Variants in EYA1 observed in about 807,000 individuals in gnomAD.
EYA1 encodes EYA transcriptional coactivator and phosphatase 1.
EYA1 carries 16 observed loss-of-function variants against 82.0 expected under a neutral mutation model. That is an observed-to-expected ratio of 0.20 (90% CI 0.13 to 0.30). The LOEUF (loss-of-function observed/expected upper bound fraction) is 0.30. Among genes scored for constraint, EYA1 ranks in the 10% least tolerant of loss-of-function variants. The pLI is 1.00. For missense variants in EYA1, 633 were observed against 730.7 expected (o/e 0.87, Z 1.54); for synonymous variants, 261 against 264.4 (o/e 0.99, Z 0.12).
At chr8:71,256,463 G>C (rs916859013) in intron 11 of EYA1, among the ~76,000 whole-genome samples, 1 of 152,094 alleles carries the variant, frequency 6.6e-6, no homozygotes, top group Non-Finnish European at 1.5e-5. Context: ...AAAAAGTGAA[G>C]TACTATATGA....
At chr8:71,483,849 T>C (rs1810363260) in intron 2 of EYA1, among the ~76,000 whole-genome samples, 1 of 152,128 alleles carries the variant, frequency 6.6e-6, no homozygotes, top group Admixed American at 6.6e-5. Flanking sequence ...TGAGTTTGAC[T>C]AAATAAGAGT....
At chr8:71,333,131 T>C (rs909222635) in intron 4 of EYA1, among the ~76,000 whole-genome samples, 4 of 152,202 alleles carry the variant, frequency 2.6e-5, no homozygotes, top group Admixed American at 2.6e-4. Flanking sequence ...GAAGTCAGCA[T>C]GGCACCAACC....
Position 71,517,773 on chromosome 8 carries a change from A to G in EYA1, c.33+17971T>C, listed in dbSNP as rs546999135. 2.2e-3 allele frequency among the ~76,000 whole-genome samples: 330 copies of G among 149,744 alleles called. 10 individuals carry two copies. Among genetic ancestry groups the G allele is most frequent in the Non-Finnish European group, 1.5e-3 (102 of 67,452 alleles). On this transcript the variant is annotated intron_variant, in intron 2 of 18. Transcript: ENST00000643681. ...TGTATATTCTAAATAATTTGGAGAT[A>G]TATATATCAAAAATTAAATTATCAA...
chr8:71,422,835 C>T (rs889035696), intron 2 of EYA1, among the ~76,000 whole-genome samples: 1 of 152,262 alleles, frequency 6.6e-6, no homozygotes, highest in Non-Finnish European at 1.5e-5. Flanking sequence ...AAATTACCCC[C>T]CACGGGATCC....
At chr8:71,316,444 T>C (rs572438986) in intron 7 of EYA1, among the ~76,000 whole-genome samples, 13 of 152,220 alleles carry the variant, frequency 8.5e-5, no homozygotes, top group African/African-American at 3.1e-4. Flanking sequence ...AAGGATACCA[T>C]AGAACAGAAC....
chr8:71,520,973 A>G (rs975689796), intron 2 of EYA1, among the ~76,000 whole-genome samples: 3 of 152,162 alleles, frequency 2.0e-5, no homozygotes, highest in African/African-American at 7.2e-5. Context: ...TCAACAGGTA[A>G]TTAAATTTGA....
At chr8:71,316,303 G>C (rs916213002) in intron 7 of EYA1, among the ~76,000 whole-genome samples, 2 of 152,104 alleles carry the variant, frequency 1.3e-5, no homozygotes, top group Non-Finnish European at 2.9e-5. Context: ...ATAATTAAAG[G>C]TGTGTAGATA....
intron 12 of EYA1, among the ~76,000 whole-genome samples, chr8:71,226,993 G>A (rs1328213405): frequency 6.6e-6 from 1 of 151,496 alleles, no homozygotes; most frequent in Non-Finnish European, 1.5e-5. Context: ...TACCACACAG[G>A]GCAATGCATT....
chr8:71,359,662 T>C (rs1013015375), intron 1 of EYA1, among the ~76,000 whole-genome samples: 2 of 152,184 alleles, frequency 1.3e-5, no homozygotes, highest in Admixed American at 1.3e-4. Flanking sequence ...TAGGTACTTG[T>C]CTAAATTACG....
chr8:71,378,500 G>T (rs1209534797), intron 2 of EYA1, among the ~76,000 whole-genome samples: 1 of 152,086 alleles, frequency 6.6e-6, no homozygotes, highest in African/African-American at 2.4e-5. Context: ...CAGTAATCTT[G>T]CCTAGTATGA....
chr8:71,546,511 A>ATT (rs35757925), intron 1 of EYA1, among the ~76,000 whole-genome samples: 1,692 of 138,554 alleles, frequency 0.012, 25 homozygotes, highest in African/African-American at 0.03. Context: ...ACTGATTCTT[A>ATT]TTTTTTTTTT....
At chr8:71,291,156 T>C (rs1022849449) in intron 9 of EYA1, among the ~76,000 whole-genome samples, 1 of 152,180 alleles carries the variant, frequency 6.6e-6, no homozygotes, top group Non-Finnish European at 1.5e-5. Flanking sequence ...ATAAGCATGT[T>C]AGCAAGTACA....
chr8:71,504,121 CTCT>C (rs1349343797), intron 2 of EYA1, among the ~76,000 whole-genome samples: 5 of 152,128 alleles, frequency 3.3e-5, no homozygotes, highest in Admixed American at 3.3e-4. Flanking sequence ...CACCCTGCAT[CTCT>C]TTCTGGTTGG....
chr8:71,501,307 A>G (rs1400226544), intron 2 of EYA1, among the ~76,000 whole-genome samples: 6 of 152,222 alleles, frequency 3.9e-5, no homozygotes, highest in Non-Finnish European at 5.9e-5. Flanking sequence ...TGCCTGGAGC[A>G]GTCTTGCCCA....
intron 3 of EYA1, among the ~76,000 whole-genome samples, chr8:71,353,338 A>AT (rs758493152): frequency 1.3e-5 from 2 of 152,186 alleles, no homozygotes; most frequent in Non-Finnish European, 2.9e-5. Context: ...GCTTGCTTTA[A>AT]TTTTATTTGC....
intron 12 of EYA1, among the ~76,000 whole-genome samples, chr8:71,227,696 C>T (rs1217017158): frequency 6.6e-6 from 1 of 152,008 alleles, no homozygotes; most frequent in Admixed American, 6.6e-5. Context: ...GAGCAATTTC[C>T]CACTCCTCCT....
chr8:71,514,789 G>A (rs1586865318), intron 2 of EYA1, among the ~76,000 whole-genome samples: 1 of 152,086 alleles, frequency 6.6e-6, no homozygotes, highest in African/African-American at 2.4e-5. Context: ...GTGGGTACAC[G>A]GCCAAACCAT....
At chr8:71,375,407 G>A (rs573540455) in intron 2 of EYA1, among the ~76,000 whole-genome samples, 4 of 152,184 alleles carry the variant, frequency 2.6e-5, no homozygotes, top group African/African-American at 9.6e-5. Context: ...AGAATGGCAG[G>A]ACTGGCAGTA....
chr8:71,334,255 G>A lies in EYA1; in HGVS notation c.125-81C>T, dbSNP rs772294980. ...TGGAAGAGAAGATATAACATTCAGA[G>A]TAATGACAAGAAAATCATTTCAAAA... On this transcript the variant is annotated intron_variant, in intron 3 of 17. Transcript: ENST00000340726. 9.4e-6 allele frequency: 10 copies of A among 1,064,424 alleles called. No homozygotes were observed. The African/African-American group carries it at 1.4e-4, about 15-fold the overall frequency. The allele number at this position is 1,064,424 out of a possible 1,614,324, so 65.9% of individuals were successfully genotyped here. A position where few individuals can be genotyped will look rare whatever the true frequency, so the allele number is the denominator to read the frequency against.
Sources: gnomAD v4.1 joint callset for allele counts (sites outside exome capture counted in the v4.1 genomes callset) on GRCh38, gnomAD v4.1.1 for gene constraint, MANE v1.5 for transcripts, NCBI Gene and HGNC (gene_info 2026-07-23, HGNC 2026-07-21) for gene names.